GATAD1: variants seen among roughly 807,000 people sequenced by gnomAD.
GATAD1 encodes the protein GATA zinc finger domain-containing protein 1.
A neutral mutation model predicts 26.5 loss-of-function variants in GATAD1; 12 were observed. That is an observed-to-expected ratio of 0.45 (90% CI 0.29 to 0.73). The LOEUF is 0.73. GATAD1 is among the 30% of genes least tolerant of loss of function. The pLI is 0.10. For missense variants in GATAD1, 266 were observed against 342.1 expected (o/e 0.78, Z 1.75); for synonymous variants, 129 against 133.1 (o/e 0.97, Z 0.21).
the GATAD1 span, among the ~76,000 whole-genome samples, chr7:92,480,064 C>T: frequency 9.7e-3 from 1,469 of 152,138 alleles, 70 homozygotes; most frequent in East Asian, 0.096. Context: ...TTTAAAAGAC[C>T]ATTAGTCCAT....
the GATAD1 span, chr7:92,489,422 T>G: frequency 6.2e-7 from 1 of 1,612,502 alleles, no homozygotes; most frequent in Non-Finnish European, 8.5e-7. Context: ...GGATTCGTCC[T>G]CCTTAAGTAA....
chr7:92,489,841 A>C, the GATAD1 span: 1 of 1,614,098 alleles, frequency 6.2e-7, no homozygotes, highest in Non-Finnish European at 8.5e-7. Context: ...CTGTGAAAAC[A>C]ACTGGTCTTT....
chr7:92,460,936 C>T (rs1789900225), downstream of GATAD1, among the ~76,000 whole-genome samples: 1 of 152,114 alleles, frequency 6.6e-6, no homozygotes, highest in Non-Finnish European at 1.5e-5. Flanking sequence ...TAAGCACACA[C>T]ACACACACAC....
chr7:92,451,559 T>C (rs117567379), intron 3 of GATAD1, among the ~76,000 whole-genome samples: 1 of 152,104 alleles, frequency 6.6e-6, no homozygotes, highest in Non-Finnish European at 1.5e-5. Flanking sequence ...TTAAGTATAC[T>C]TTTTTTTAAG....
At chr7:92,469,178 C>G in the GATAD1 span, 78 of 717,550 alleles carry the variant, frequency 1.1e-4, 1 homozygote, top group Middle Eastern at 1.1e-3. Flanking sequence ...CAGCATTCTT[C>G]CCCTAAAAAT....
chr7:92,460,842 T>A (rs1789895835), downstream of GATAD1, among the ~76,000 whole-genome samples: 1 of 151,858 alleles, frequency 6.6e-6, no homozygotes, highest in Non-Finnish European at 1.5e-5. Flanking sequence ...ACAGAGGTTT[T>A]CTGCAGCTAC....
chr7:92,491,034 A>C, the GATAD1 span, among the ~76,000 whole-genome samples: 2 of 152,238 alleles, frequency 1.3e-5, no homozygotes, highest in African/African-American at 4.8e-5. Flanking sequence ...ACCTCAAAGA[A>C]ACCAAAGGTA....
chr7:92,485,393 C>T, the GATAD1 span, among the ~76,000 whole-genome samples: 3 of 152,134 alleles, frequency 2.0e-5, no homozygotes, highest in African/African-American at 7.2e-5. Flanking sequence ...TTGATTCTTA[C>T]AATGTAAAAA....
chr7:92,489,848 C>G, the GATAD1 span: 1 of 1,614,052 alleles, frequency 6.2e-7, no homozygotes, highest in East Asian at 2.2e-5. Context: ...AACAACTGGT[C>G]TTTCCCAGGA....
the GATAD1 span, among the ~76,000 whole-genome samples, chr7:92,467,052 T>C: frequency 6.6e-6 from 1 of 152,226 alleles, no homozygotes; most frequent in Non-Finnish European, 1.5e-5. Context: ...GCATGATGGC[T>C]CATGCTTTTA....
chr7:92,479,996 G>A, the GATAD1 span, among the ~76,000 whole-genome samples: 11 of 152,136 alleles, frequency 7.2e-5, no homozygotes, highest in South Asian at 6.2e-4. Context: ...GCTTGGTTGC[G>A]AGTTTTTGGG....
the GATAD1 span, chr7:92,468,847 A>G: frequency 1.3e-6 from 1 of 764,474 alleles, no homozygotes. Flanking sequence ...GATGTCATTA[A>G]CATCAGATCG....
chr7:92,493,873 A>G, the GATAD1 span: 2 of 198,920 alleles, frequency 1.0e-5, no homozygotes, highest in Admixed American at 5.3e-5. Context: ...TTGGAGAATA[A>G]GAGTTGGAAC....
rs1385936363 is a variant in GATAD1 at position 92,448,037 on chromosome 7, A to G, written c.249+59A>G. Reference sequence around the variant, plus strand: ...CCGACCAGGTGCTAGGCGGGCGGGGACGGGCTGGCTGGGAGCGGGCGGGCG... The same window carrying G: ...CCGACCAGGTGCTAGGCGGGCGGGGGCGGGCTGGCTGGGAGCGGGCGGGCG... On this transcript the variant is annotated intron_variant, in intron 1 of 4. Coordinates refer to ENST00000287957, the MANE Select transcript of GATAD1 (RefSeq NM_021167.5). 4.3e-6 allele frequency: 5 copies of G among 1,171,592 alleles called. No individual in the cohort carries two copies. The Admixed American group carries it at 2.2e-4, about 52-fold the overall frequency. 72.6% of individuals were successfully genotyped at this position (1,171,592 alleles called of 1,614,324 possible). A position where few individuals can be genotyped will look rare whatever the true frequency, so the allele number is the denominator to read the frequency against.
At chr7:92,453,029 G>A (rs371840570) in intron 3 of GATAD1, among the ~76,000 whole-genome samples, 4 of 152,282 alleles carry the variant, frequency 2.6e-5, no homozygotes, top group South Asian at 2.1e-4. Context: ...AGCAAGTAGC[G>A]GACTGTGGCC....
At chr7:92,486,536 A>T in the GATAD1 span, among the ~76,000 whole-genome samples, 1 of 152,156 alleles carries the variant, frequency 6.6e-6, no homozygotes, top group African/African-American at 2.4e-5. Flanking sequence ...GTGATCCACT[A>T]AGTCTTTGTT....
At chr7:92,491,410 T>A in the GATAD1 span, 2 of 1,613,640 alleles carry the variant, frequency 1.2e-6, no homozygotes, top group Admixed American at 3.3e-5. Context: ...AGCCACATTC[T>A]CCATCTCCAG....
At chr7:92,464,484 A>G (rs1393412802), downstream of GATAD1, among the ~76,000 whole-genome samples, 1 of 152,088 alleles carries the variant, frequency 6.6e-6, no homozygotes, top group Non-Finnish European at 1.5e-5. Context: ...CTCAGTGCTC[A>G]CTCTGAGGTC....
chr7:92,463,197 C>T (rs1789984146), downstream of GATAD1, among the ~76,000 whole-genome samples: 1 of 152,062 alleles, frequency 6.6e-6, no homozygotes, highest in African/African-American at 2.4e-5. Flanking sequence ...CAAATTATGT[C>T]ATAGATACAG....
Sources: allele counts gnomAD v4.1 joint callset (sites outside exome capture counted in the v4.1 genomes callset), GRCh38; gene constraint gnomAD v4.1.1; transcripts MANE v1.5; gene names NCBI Gene and HGNC (gene_info 2026-07-23, HGNC 2026-07-21).